Variants in CNOT4 observed in about 807,000 individuals in gnomAD.
CNOT4 encodes the protein CCR4-NOT transcription complex subunit 4.
CNOT4 carries 8 observed loss-of-function variants against 73.8 expected under a neutral mutation model. The observed-to-expected ratio is 0.11, with a 90% CI of 0.06 to 0.20. The LOEUF (loss-of-function observed/expected upper bound fraction) is 0.20. Ranked by LOEUF, CNOT4 falls within the 10% of genes least tolerant of loss-of-function variation. The pLI is 1.00. For missense variants in CNOT4, 564 were observed against 883.4 expected (o/e 0.64, Z 4.58); for synonymous variants, 293 against 321.1 (o/e 0.91, Z 0.94).
intron 2 of CNOT4, among the ~76,000 whole-genome samples, chr7:135,431,709 C>T (rs1244717404): frequency 6.6e-6 from 1 of 151,714 alleles, no homozygotes; most frequent in African/African-American, 2.4e-5. Flanking sequence ...CACCACTGCA[C>T]TCCAGCCTGG....
intron 2 of CNOT4, among the ~76,000 whole-genome samples, chr7:135,431,212 C>T (rs533935160): frequency 6.6e-6 from 1 of 152,298 alleles, no homozygotes; most frequent in East Asian, 1.9e-4. Context: ...CTGCAGTGAG[C>T]CATATTTGTG....
chr7:135,439,315 T>C (rs1255653644), intron 1 of CNOT4, among the ~76,000 whole-genome samples: 1 of 152,138 alleles, frequency 6.6e-6, no homozygotes, highest in Non-Finnish European at 1.5e-5. Flanking sequence ...ATCCTAAAGG[T>C]TACATACAAG....
intron 7 of CNOT4, among the ~76,000 whole-genome samples, chr7:135,407,439 T>G (rs142512265): frequency 1.7e-3 from 258 of 152,328 alleles, no homozygotes; most frequent in African/African-American, 5.8e-3. Context: ...AAAATACTTA[T>G]CTCAAGTAAA....
intron 7 of CNOT4, 24 bp from the exon 8 acceptor site, chr7:135,398,250 T>A (rs1031648072): frequency 8.3e-5 from 106 of 1,275,656 alleles, no homozygotes; most frequent in Non-Finnish European, 1.1e-4. Flanking sequence ...ACAAATTGAA[T>A]AAAATCAGAA....
intron 10 of CNOT4, among the ~76,000 whole-genome samples, chr7:135,390,068 T>C (rs1439696529): frequency 1.3e-5 from 2 of 152,148 alleles, no homozygotes; most frequent in Admixed American, 1.3e-4. Flanking sequence ...TATTCTATTT[T>C]GTAACAATAG....
At chr7:135,460,793 G>A (rs1383885272) in intron 1 of CNOT4, among the ~76,000 whole-genome samples, 1 of 152,100 alleles carries the variant, frequency 6.6e-6, no homozygotes, top group Non-Finnish European at 1.5e-5. Flanking sequence ...TATCTATGAA[G>A]CACTTATTAA....
In CNOT4 at chr7:135,363,359, T is replaced by G. The variant is rs1260070755; in HGVS notation, c.1841-173A>C. ...TCCTCCCCCAACAACAAAGAACTTA[T>G]TGGCACACAAACCCATGCCTCCTCT... On this transcript the variant is annotated intron_variant, in intron 11 of 11. Transcript: ENST00000541284. This position sits in a 1 kb window ranked among gnomAD's most constrained non-coding sequence, Gnocchi z 4.3. 6.6e-6 allele frequency among the ~76,000 whole-genome samples: 1 copy of G among 152,188 alleles called. No individual in the cohort carries two copies. The highest frequency in any genetic ancestry group is 2.4e-5 in the African/African-American group (1 of 41,448).
chr7:135,441,742 C>G (rs1799489916), intron 1 of CNOT4, among the ~76,000 whole-genome samples: 1 of 151,998 alleles, frequency 6.6e-6, no homozygotes, highest in African/African-American at 2.4e-5. Flanking sequence ...GGTAAATTAC[C>G]ATAAATAAAA....
intron 2 of CNOT4, among the ~76,000 whole-genome samples, chr7:135,423,924 G>T (rs539915726): frequency 6.6e-6 from 1 of 152,028 alleles, no homozygotes; most frequent in South Asian, 2.1e-4. Context: ...TATAAATTTA[G>T]TATGATTTCA....
chr7:135,410,160 T>C (rs1797517229), intron 7 of CNOT4, among the ~76,000 whole-genome samples: 1 of 152,112 alleles, frequency 6.6e-6, no homozygotes, highest in African/African-American at 2.4e-5. Context: ...TTTTATAGTA[T>C]TTTCCCCCTA....
chr7:135,424,040 A>C lies in CNOT4; in HGVS notation c.175-1687T>G, dbSNP rs953190544. Among the ~76,000 whole-genome samples the C allele has an allele frequency of 2.7e-3, 385 of 144,240 alleles. 1 individual carries two copies. Among genetic ancestry groups the C allele is most frequent in the Middle Eastern group, 0.011 (3 of 282 alleles). 94.6% of individuals were successfully genotyped at this position (144,240 alleles called of 152,430 possible). ...GCCACCAAAACAAACAAACAAACAA[A>C]ACACACACACACACACACACACACA... On this transcript the variant is annotated intron_variant, in intron 2 of 11. Transcript: ENST00000541284.
chr7:135,382,840 A>G (rs992838017), intron 10 of CNOT4, among the ~76,000 whole-genome samples: 4 of 152,180 alleles, frequency 2.6e-5, no homozygotes, highest in African/African-American at 9.7e-5. Flanking sequence ...ACACTGTCTT[A>G]TATCGAGGAC....
chr7:135,430,261 T>C (rs965895623), intron 2 of CNOT4, among the ~76,000 whole-genome samples: 2 of 152,172 alleles, frequency 1.3e-5, no homozygotes, highest in South Asian at 2.1e-4. Context: ...AAAAATCTTC[T>C]GAAAATATTA....
At chr7:135,498,747 C>A (rs1183508321) in intron 1 of CNOT4, among the ~76,000 whole-genome samples, 1 of 152,124 alleles carries the variant, frequency 6.6e-6, no homozygotes, top group Non-Finnish European at 1.5e-5. Flanking sequence ...CAGGGTTTCA[C>A]CATGTTGGCC....
intron 1 of CNOT4, among the ~76,000 whole-genome samples, chr7:135,465,108 T>G (rs1205792873): frequency 6.6e-6 from 1 of 152,190 alleles, no homozygotes; most frequent in Non-Finnish European, 1.5e-5. Context: ...ATAAATCTGG[T>G]GTATTTCCTA....
intron 1 of CNOT4, chr7:135,444,758 T>G: frequency 2.0e-6 from 3 of 1,490,712 alleles, no homozygotes; most frequent in Admixed American, 1.7e-5. Flanking sequence ...TCACTCTTCA[T>G]GGTCACTGGG....
intron 1 of CNOT4, among the ~76,000 whole-genome samples, chr7:135,478,632 G>A (rs981890181): frequency 3.3e-5 from 5 of 152,242 alleles, no homozygotes; most frequent in Middle Eastern, 3.4e-3. Flanking sequence ...AGCCCCAGGA[G>A]GTGGAGGTTG....
intron 10 of CNOT4, among the ~76,000 whole-genome samples, chr7:135,380,017 G>T (rs1004611451): frequency 9.2e-5 from 14 of 152,070 alleles, no homozygotes; most frequent in African/African-American, 3.4e-4. Context: ...GTTGATTGCA[G>T]ATTTCTTGCA....
In CNOT4 at chr7:135,444,745, C is replaced by T. The variant is rs904239787; in HGVS notation, c.-92-6322G>A. The T allele has an allele frequency of 1.6e-5, 23 of 1,405,376 alleles. No homozygotes were observed. The African/African-American group carries it at 2.5e-4, about 16-fold the overall frequency. The allele number at this position is 1,405,376 out of a possible 1,614,324, so 87.1% of individuals were successfully genotyped here. ...GCGATGGGCTATTCCCTGGCTGCGA[C>T]CCTCACTCTTCATGGTCACTGGGGC... On this transcript the variant is annotated intron_variant, in intron 1 of 11. Coordinates refer to ENST00000541284, the MANE Select transcript of CNOT4 (RefSeq NM_001190850.2).
Sources: gnomAD v4.1 joint callset for allele counts (sites outside exome capture counted in the v4.1 genomes callset) on GRCh38, gnomAD v4.1.1 for gene constraint, Gnocchi (gnomAD v3.1) non-coding constraint, MANE v1.5 for transcripts, NCBI Gene and HGNC (gene_info 2026-07-23, HGNC 2026-07-21) for gene names.